KCNQ1: variants seen among roughly 807,000 people sequenced by gnomAD.
KCNQ1 encodes the protein potassium voltage-gated channel subfamily Q member 1.
In KCNQ1, 49 loss-of-function variants were observed where a neutral mutation model predicts 72.4. The ratio of observed to expected loss-of-function variants is 0.68; its 90% confidence interval spans 0.54 to 0.86. The LOEUF (loss-of-function observed/expected upper bound fraction) is 0.86. Ranked by LOEUF, KCNQ1 falls within the 40% of genes least tolerant of loss-of-function variation. KCNQ1 has a pLI of 0.00. For synonymous variants in KCNQ1, 450 were observed against 412.6 expected (o/e 1.09, Z -1.10); for missense variants, 790 against 945.1 (o/e 0.84, Z 2.15).
rs1677161525 is a variant in KCNQ1, at chr11:2,626,321, A to G, written c.1394-35640A>G. On this transcript the variant is annotated intron_variant, in intron 10 of 15. Coordinates refer to ENST00000155840, the MANE Select transcript of KCNQ1 (RefSeq NM_000218.3). The surrounding 1 kb of genome is among the most constrained non-coding windows in gnomAD (Gnocchi z 4.0). ...TCTTGAGTTAATTTTTGTGTATGGT[A>G]TTAGGTAAGGGTCTCAACTTCAGTT... The G allele has an allele frequency of 2.5e-6, 1 of 398,298 alleles. No homozygotes were observed. Among genetic ancestry groups the G allele is most frequent in the African/African-American group, 2.1e-5 (1 of 48,574 alleles). The allele number at this position is 398,298 out of a possible 1,614,324, so 24.7% of individuals were successfully genotyped here. A position where few individuals can be genotyped will look rare whatever the true frequency, so the allele number is the denominator to read the frequency against.
chr11:2,496,917 A>G (rs1846932403), intron 1 of KCNQ1, among the ~76,000 whole-genome samples: 1 of 151,586 alleles, frequency 6.6e-6, no homozygotes, highest in African/African-American at 2.4e-5. Flanking sequence ...TTTATCCTTT[A>G]CTCATGAAGC....
chr11:2,458,171 C>G lies in KCNQ1; in HGVS notation c.386+12687C>G, dbSNP rs766664723. 5.9e-5 allele frequency among the ~76,000 whole-genome samples: 9 copies of G among 152,044 alleles called. No homozygotes were observed. Among genetic ancestry groups the G allele is most frequent in the Non-Finnish European group, 1.2e-4 (8 of 68,024 alleles). The stretch of plus-strand genomic sequence containing the variant: ...ACTTGAAGGGGTCCTTGTCTTCCCC[C>G]TTCTCCCCAAGCTGAAGATGCAGTG... On this transcript the variant is annotated intron_variant, in intron 1 of 15. Transcript: ENST00000155840. The surrounding 1 kb of genome is among the most constrained non-coding windows in gnomAD (Gnocchi z 4.6).
At position 2,621,848 on chromosome 11, in the gene KCNQ1, T is replaced by C. The variant is rs947850071; in HGVS notation, c.1393+32994T>C. 5 of 398,278 alleles carry C rather than the reference T, an allele frequency of 1.3e-5. No individual in the cohort carries two copies. Among genetic ancestry groups the C allele is most frequent in the African/African-American group, 6.2e-5 (3 of 48,630 alleles). 24.7% of individuals were successfully genotyped at this position (398,278 alleles called of 1,614,324 possible). ...GAAGTCTTAGTTTTACTGACTTTTTTCCCCTATGGTTTTTCTTTCTAACTT... is the reference window on the plus strand; with the variant it reads ...GAAGTCTTAGTTTTACTGACTTTTTCCCCCTATGGTTTTTCTTTCTAACTT... On this transcript the variant is annotated intron_variant, in intron 10 of 15. Transcript: ENST00000155840. The surrounding 1 kb of genome is among the most constrained non-coding windows in gnomAD (Gnocchi z 5.7).
chr11:2,842,817 G>A (rs965174928), intron 15 of KCNQ1, among the ~76,000 whole-genome samples: 1 of 152,220 alleles, frequency 6.6e-6, no homozygotes, highest in African/African-American at 2.4e-5. Context: ...TGAGCACCAT[G>A]CTCTGTCCCT....
chr11:2,595,300 A>G lies in KCNQ1; in HGVS notation c.1393+6446A>G, dbSNP rs2188194. Among the ~76,000 whole-genome samples the G allele has an allele frequency of 0.051, 7,782 of 152,282 alleles. 671 individuals carry two copies. The highest frequency in any genetic ancestry group is 0.18 in the African/African-American group (7,340 of 41,530). ...TAGTAAGGTGGCAGATACAAGATTA[A>G]TATGCAAAAATCAATTCCATTCATA... On this transcript the variant is annotated intron_variant, in intron 10 of 15. Transcript: ENST00000155840. This position sits in a 1 kb window ranked among gnomAD's most constrained non-coding sequence, Gnocchi z 5.0.
At position 2,524,056 on chromosome 11, in the gene KCNQ1, C is replaced by T. The variant is rs192541277; in HGVS notation, c.387-3872C>T. 1.7e-3 allele frequency among the ~76,000 whole-genome samples: 264 copies of T among 152,236 alleles called. 3 individuals carry two copies. Among genetic ancestry groups the T allele is most frequent in the South Asian group, 4.1e-3 (20 of 4,826 alleles). ...TGGCCAAAGGGGCTTTGCAGGGTGACTGAGGGATGGCTCGTGAGAGGGGAG... is the reference window on the plus strand; with the variant it reads ...TGGCCAAAGGGGCTTTGCAGGGTGATTGAGGGATGGCTCGTGAGAGGGGAG... On this transcript the variant is annotated intron_variant, in intron 1 of 15. Transcript: ENST00000155840.
chr11:2,667,998 A>T, intron 11 of KCNQ1: 1 of 398,638 alleles, frequency 2.5e-6, no homozygotes, highest in East Asian at 3.6e-5. Flanking sequence ...TGACCTTGAG[A>T]TTAACCACAG....
rs898408018 is a variant in KCNQ1 at position 2,685,958 on chromosome 11, C to T, written c.1514+23877C>T. The T allele has an allele frequency of 5.8e-5, 23 of 398,660 alleles. 1 individual carries two copies. The highest frequency in any genetic ancestry group is 1.3e-4 in the South Asian group (1 of 7,868). The allele number at this position is 398,660 out of a possible 1,614,324, so 24.7% of individuals were successfully genotyped here. ...TCTCCCATCCTCCTGCTGGGTCACA[C>T]GGATGAGGCCTGTACACTCTGGGCC... On this transcript the variant is annotated intron_variant, in intron 11 of 15. Coordinates refer to ENST00000155840, the MANE Select transcript of KCNQ1 (RefSeq NM_000218.3).
At chr11:2,576,664 G>A (rs926176606) in intron 6 of KCNQ1, among the ~76,000 whole-genome samples, 4 of 152,214 alleles carry the variant, frequency 2.6e-5, no homozygotes, top group African/African-American at 7.2e-5. Context: ...AGAAATTCCC[G>A]CCTCCCTGGC....
At chr11:2,707,454 C>T (rs1339543203) in intron 11 of KCNQ1, among the ~76,000 whole-genome samples, 1 of 152,136 alleles carries the variant, frequency 6.6e-6, no homozygotes, top group African/African-American at 2.4e-5. Flanking sequence ...GGGACTGTGC[C>T]CCCACCCCAC....
rs577500668 is a variant in KCNQ1, at chr11:2,498,705, G to C, written c.387-29223G>C. Among the ~76,000 whole-genome samples, 11 of 152,194 alleles carry C rather than the reference G, an allele frequency of 7.2e-5. No homozygotes were observed. The highest frequency in any genetic ancestry group is 6.2e-4 in the South Asian group (3 of 4,820). ...CCAGGGGAGTAAATGATTCTGTCTT[G>C]CTGGGGTTCCAGGCACCACTGGGGT... On this transcript the variant is annotated intron_variant, in intron 1 of 15. Transcript: ENST00000155840. This position sits in a 1 kb window ranked among gnomAD's most constrained non-coding sequence, Gnocchi z 4.8.
In KCNQ1 at chr11:2,497,971, A is replaced by C. The variant is rs997065628; in HGVS notation, c.387-29957A>C. Among the ~76,000 whole-genome samples the C allele has an allele frequency of 6.6e-6, 1 of 152,132 alleles. No homozygotes were observed. The highest frequency in any genetic ancestry group is 2.4e-5 in the African/African-American group (1 of 41,426). On this transcript the variant is annotated intron_variant, in intron 1 of 15. Transcript: ENST00000155840. The surrounding 1 kb of genome is among the most constrained non-coding windows in gnomAD (Gnocchi z 4.5). The stretch of plus-strand genomic sequence containing the variant: ...GCAGTTTGCTGGAGGTCCACTCCAG[A>C]CCCTGTTTGCCTGGGTATCACCAGT...
Position 2,574,489 on chromosome 11 carries a change from G to A in KCNQ1, c.921+1503G>A, listed in dbSNP as rs563345523. Among the ~76,000 whole-genome samples, 28 of 152,294 alleles carry A rather than the reference G, an allele frequency of 1.8e-4. No homozygotes were observed. In the South Asian group the frequency reaches 3.5e-3, roughly 19 times the overall value. ...GGAGGTGGGGGCGGGCAGGGCAGCC[G>A]TGGGAAACACGTGGTGGTGCCAGGA... On this transcript the variant is annotated intron_variant, in intron 6 of 15. Coordinates refer to ENST00000155840, the MANE Select transcript of KCNQ1 (RefSeq NM_000218.3).
intron 15 of KCNQ1, among the ~76,000 whole-genome samples, chr11:2,799,317 G>T (rs550136284): frequency 6.6e-6 from 1 of 152,156 alleles, no homozygotes; most frequent in African/African-American, 2.4e-5. Context: ...GACAACCAGC[G>T]CTCTTTGGAA....
In KCNQ1 at chr11:2,538,269, C is replaced by T. The variant is rs901783039; in HGVS notation, c.477+10251C>T. 6.6e-6 allele frequency among the ~76,000 whole-genome samples: 1 copy of T among 152,202 alleles called. No individual in the cohort carries two copies. The highest frequency in any genetic ancestry group is 2.4e-5 in the African/African-American group (1 of 41,446). ...GCTTCTTTGACCTGGAGCAGCCCTG[C>T]CCGGCCTTCCCTTCTTGGTCTCTCT... On this transcript the variant is annotated intron_variant, in intron 2 of 15. Transcript: ENST00000155840. The surrounding 1 kb of genome is among the most constrained non-coding windows in gnomAD (Gnocchi z 6.7).
In KCNQ1 at chr11:2,735,407, G is replaced by A. The variant is rs904258900; in HGVS notation, c.1515-33437G>A. On this transcript the variant is annotated intron_variant, in intron 11 of 15. Transcript: ENST00000155840. The surrounding 1 kb of genome is among the most constrained non-coding windows in gnomAD (Gnocchi z 7.7). Reference sequence around the variant, plus strand: ...CCCGCAAGCTTCTCCCCTTCCTTCAGAGCCCAACCACTGCTTGCTCCTTCC... The same window carrying A: ...CCCGCAAGCTTCTCCCCTTCCTTCAAAGCCCAACCACTGCTTGCTCCTTCC... Among the ~76,000 whole-genome samples, 7 of 151,180 alleles carry A rather than the reference G, an allele frequency of 4.6e-5. No homozygotes were observed. The highest frequency in any genetic ancestry group is 1.3e-4 in the Admixed American group (2 of 15,174).
In KCNQ1 at chr11:2,494,990, G is replaced by T. The variant is rs143795588; in HGVS notation, c.387-32938G>T. Among the ~76,000 whole-genome samples the T allele has an allele frequency of 7.6e-4, 116 of 152,258 alleles. 2 individuals are homozygous for T. The East Asian group carries it at 0.021, about 28-fold the overall frequency. The stretch of plus-strand genomic sequence containing the variant: ...GTCCTGGGCTTTTTTTGGTTGGCAG[G>T]CTATTAATTACTGCCTCAATTTCAG... On this transcript the variant is annotated intron_variant, in intron 1 of 15. Transcript: ENST00000155840. The surrounding 1 kb of genome is among the most constrained non-coding windows in gnomAD (Gnocchi z 4.6).
At position 2,462,330 on chromosome 11, in the gene KCNQ1, C is replaced by T. The variant is rs1005660653; in HGVS notation, c.386+16846C>T. Among the ~76,000 whole-genome samples the T allele has an allele frequency of 1.3e-5, 2 of 152,190 alleles. No homozygotes were observed. Among genetic ancestry groups the T allele is most frequent in the African/African-American group, 4.8e-5 (2 of 41,438 alleles). On this transcript the variant is annotated intron_variant, in intron 1 of 15. Transcript: ENST00000155840. This position sits in a 1 kb window ranked among gnomAD's most constrained non-coding sequence, Gnocchi z 8.2. ...TCAGAGGCGATGTCTAGGGCCACCC[C>T]CTCTGACTTGCCTCCTCCTCCTTCT...
rs1333248196 is a variant in KCNQ1 at position 2,848,063 on chromosome 11, C to A, written c.*60C>A. 1 of 1,404,144 alleles carries A rather than the reference C, an allele frequency of 7.1e-7. No individual in the cohort carries two copies. Among genetic ancestry groups the A allele is most frequent in the Non-Finnish European group, 9.8e-7 (1 of 1,024,430 alleles). The allele number at this position is 1,404,144 out of a possible 1,614,324, so 87.0% of individuals were successfully genotyped here. A position where few individuals can be genotyped will look rare whatever the true frequency, so the allele number is the denominator to read the frequency against. On this transcript the variant is annotated 3_prime_UTR_variant, in exon 16 of 16. Transcript: ENST00000155840. Reference sequence around the variant, plus strand: ...GAGGGGAGGCCAAGAGTGGCCCCACCTGGCCCTCTCTGAAGGAGGCCACCT... The same window carrying A: ...GAGGGGAGGCCAAGAGTGGCCCCACATGGCCCTCTCTGAAGGAGGCCACCT...
Sources: allele counts gnomAD v4.1 joint callset (sites outside exome capture counted in the v4.1 genomes callset), GRCh38; gene constraint gnomAD v4.1.1; non-coding constraint Gnocchi (gnomAD v3.1); transcripts MANE v1.5; gene names NCBI Gene and HGNC (gene_info 2026-07-23, HGNC 2026-07-21).